The following SGCZ variants were observed in gnomAD, a reference collection of about 807,000 sequenced individuals.
The protein encoded by SGCZ is sarcoglycan zeta.
Under a neutral mutation model 41.3 loss-of-function variants are expected in SGCZ, and 40 were observed. That is an observed-to-expected ratio of 0.97 (90% CI 0.75 to 1.26). The LOEUF (loss-of-function observed/expected upper bound fraction) is 1.26, where lower values mean the gene tolerates loss of function less well. Ranked by LOEUF, SGCZ falls within the 50% of genes most tolerant of loss-of-function variation. SGCZ has a pLI of 0.00. For synonymous variants in SGCZ, 206 were observed against 137.5 expected (o/e 1.50, Z -3.49); for missense variants, 552 against 369.8 (o/e 1.49, Z -4.04).
chr8:15,203,487 C>A (rs1267077894), intron 1 of SGCZ, among the ~76,000 whole-genome samples: 1 of 152,118 alleles, frequency 6.6e-6, no homozygotes, highest in Non-Finnish European at 1.5e-5. Flanking sequence ...AGATCTTGAT[C>A]TTGTAAATTT....
intron 3 of SGCZ, among the ~76,000 whole-genome samples, chr8:14,240,366 T>G (rs1371873580): frequency 1.4e-5 from 2 of 147,196 alleles, no homozygotes; most frequent in Admixed American, 6.8e-5. Context: ...GAACTGAAAG[T>G]TTAAAAGTTT....
At chr8:14,116,831 A>G (rs1040255275) in intron 5 of SGCZ, among the ~76,000 whole-genome samples, 1 of 152,112 alleles carries the variant, frequency 6.6e-6, no homozygotes, top group Non-Finnish European at 1.5e-5. Context: ...CTCCAGAACC[A>G]ATGTCTGGTT....
chr8:14,104,860 A>G (rs1802153004), intron 6 of SGCZ, among the ~76,000 whole-genome samples: 2 of 152,154 alleles, frequency 1.3e-5, no homozygotes, highest in Non-Finnish European at 2.9e-5. Flanking sequence ...AAAAGATGCC[A>G]ATTATATGAT....
intron 1 of SGCZ, among the ~76,000 whole-genome samples, chr8:14,767,261 A>T (rs943941490): frequency 6.6e-6 from 1 of 152,190 alleles, no homozygotes; most frequent in Non-Finnish European, 1.5e-5. Flanking sequence ...CTGAAGCCAC[A>T]TAAGGAAGCC....
chr8:15,214,069 C>T (rs575688424), intron 1 of SGCZ, among the ~76,000 whole-genome samples: 13 of 151,760 alleles, frequency 8.6e-5, no homozygotes, highest in Non-Finnish European at 1.6e-4. Flanking sequence ...TCACTTTAGC[C>T]TTTCATAATT....
intron 1 of SGCZ, among the ~76,000 whole-genome samples, chr8:14,993,413 A>G (rs186037698): frequency 8.5e-5 from 13 of 152,316 alleles, no homozygotes; most frequent in African/African-American, 2.9e-4. Context: ...TCTGGCCCAT[A>G]TAACACAAAG....
chr8:14,772,467 G>A (rs968176064), intron 1 of SGCZ, among the ~76,000 whole-genome samples: 4 of 150,082 alleles, frequency 2.7e-5, no homozygotes, highest in Non-Finnish European at 5.9e-5. Context: ...TAGGGTACAT[G>A]TGCACGATGT....
chr8:14,307,022 G>A (rs1445754529), intron 3 of SGCZ, among the ~76,000 whole-genome samples: 1 of 152,104 alleles, frequency 6.6e-6, no homozygotes, highest in Non-Finnish European at 1.5e-5. Context: ...GAGAATATTT[G>A]CACTAATTTG....
intron 2 of SGCZ, among the ~76,000 whole-genome samples, chr8:14,380,468 T>C (rs898516724): frequency 2.6e-5 from 4 of 152,234 alleles, no homozygotes; most frequent in African/African-American, 9.6e-5. Flanking sequence ...CTAGTGACTG[T>C]TCTAAATTCA....
chr8:14,806,476 T>C (rs572678791), intron 1 of SGCZ, among the ~76,000 whole-genome samples: 20 of 151,658 alleles, frequency 1.3e-4, no homozygotes, highest in African/African-American at 4.8e-4. Flanking sequence ...AACTAGAAAA[T>C]CTAGAAGAAA....
chr8:15,146,150 T>C (rs1011726043), intron 1 of SGCZ, among the ~76,000 whole-genome samples: 11 of 150,926 alleles, frequency 7.3e-5, no homozygotes, highest in South Asian at 2.1e-4. Flanking sequence ...AAGAAAAAAA[T>C]TGAAATAAAT....
chr8:15,200,240 C>A (rs1008365666), intron 1 of SGCZ, among the ~76,000 whole-genome samples: 3 of 152,116 alleles, frequency 2.0e-5, no homozygotes, highest in African/African-American at 7.2e-5. Flanking sequence ...CATTAAAGCT[C>A]CAGAATTTAA....
intron 1 of SGCZ, among the ~76,000 whole-genome samples, chr8:14,999,983 G>C (rs554224155): frequency 6.6e-6 from 1 of 152,156 alleles, no homozygotes; most frequent in Non-Finnish European, 1.5e-5. Context: ...ACACTCTCAG[G>C]ACTAGAATGT....
At chr8:14,755,844 A>C (rs372549589) in intron 1 of SGCZ, among the ~76,000 whole-genome samples, 35 of 152,148 alleles carry the variant, frequency 2.3e-4, no homozygotes, top group African/African-American at 5.8e-4. Flanking sequence ...TATACAGGAC[A>C]TAGATAACAA....
intron 1 of SGCZ, among the ~76,000 whole-genome samples, chr8:14,566,157 T>C (rs951581288): frequency 2.0e-5 from 3 of 152,212 alleles, no homozygotes; most frequent in African/African-American, 7.2e-5. Flanking sequence ...AAATAAGTGT[T>C]TAATCAGAAT....
At chr8:14,307,300 T>C (rs1801381002) in intron 3 of SGCZ, among the ~76,000 whole-genome samples, 1 of 152,120 alleles carries the variant, frequency 6.6e-6, no homozygotes. Flanking sequence ...AGTTTCAGAG[T>C]GGTGCCAGGG....
intron 2 of SGCZ, among the ~76,000 whole-genome samples, chr8:14,378,782 G>T (rs900216332): frequency 8.6e-5 from 13 of 151,996 alleles, no homozygotes; most frequent in African/African-American, 2.4e-5. Context: ...TAAATTAATT[G>T]TAAGATGCCC....
chr8:15,079,190 T>C (rs1418270460), intron 1 of SGCZ, among the ~76,000 whole-genome samples: 2 of 152,196 alleles, frequency 1.3e-5, no homozygotes, highest in Non-Finnish European at 1.5e-5. Flanking sequence ...TTTCCTCCTA[T>C]ATTTACTTGT....
In SGCZ at chr8:14,643,396, T is replaced by A. The variant is rs564071603; in HGVS notation, c.40-88470A>T. 2.0e-5 allele frequency among the ~76,000 whole-genome samples: 3 copies of A among 151,826 alleles called. No homozygotes were observed. The East Asian group carries it at 5.8e-4, about 30-fold the overall frequency. ...TGTTGTAAATGCAAGTAGCTCTGAA[T>A]AAGAAATAATTTAAAAATTTGCTTA... On this transcript the variant is annotated intron_variant, in intron 1 of 7. Coordinates refer to ENST00000382080, the MANE Select transcript of SGCZ (RefSeq NM_139167.4).
Sources: allele counts gnomAD v4.1 joint callset (sites outside exome capture counted in the v4.1 genomes callset), GRCh38; gene constraint gnomAD v4.1.1; transcripts MANE v1.5; gene names NCBI Gene and HGNC (gene_info 2026-07-23, HGNC 2026-07-21).